Variants in SMOC1 observed in about 807,000 individuals in gnomAD.
The protein encoded by SMOC1 is SPARC-related modular calcium-binding protein 1.
SMOC1 carries 22 observed loss-of-function variants against 56.3 expected under a neutral mutation model. The observed-to-expected ratio is 0.39, with a 90% confidence interval of 0.28 to 0.56. SMOC1 has a LOEUF of 0.56. SMOC1 is among the 20% of genes least tolerant of loss of function. The pLI, the probability that SMOC1 is intolerant of heterozygous loss-of-function variation, is 0.61. For missense variants in SMOC1, 509 were observed against 565.4 expected (o/e 0.90, Z 1.01); for synonymous variants, 193 against 215.0 (o/e 0.90, Z 0.89).
Position 69,953,412 on chromosome 14 carries a change from T to G in SMOC1, c.266-8T>G. On this transcript the variant is annotated splice_region_variant and splice_polypyrimidine_tract_variant and intron_variant, in intron 2 of 11. Coordinates refer to ENST00000361956, the MANE Select transcript of SMOC1 (RefSeq NM_001034852.3). ...TGAAATATGAAATCTGCTCCTCTCC[T>G]CTTTCAGATGCTGGCCAGAGCAAGT... 2 of 1,613,818 alleles carry G rather than the reference T, an allele frequency of 1.2e-6. No individual in the cohort carries two copies. Among genetic ancestry groups the G allele is most frequent in the Non-Finnish European group, 1.7e-6 (2 of 1,179,668 alleles).
At chr14:69,920,300 G>A (rs1037713553) in intron 1 of SMOC1, among the ~76,000 whole-genome samples, 4 of 152,172 alleles carry the variant, frequency 2.6e-5, no homozygotes, top group African/African-American at 7.2e-5. Context: ...GATATGATTA[G>A]AGCCAGTGCT....
chr14:69,896,305 A>G (rs1347282709), intron 1 of SMOC1, among the ~76,000 whole-genome samples: 1 of 152,216 alleles, frequency 6.6e-6, no homozygotes, highest in Non-Finnish European at 1.5e-5. Flanking sequence ...GCTTGGGGTC[A>G]AAGAGACCTG....
chr14:70,015,988 C>G (rs1885496182), intron 10 of SMOC1, among the ~76,000 whole-genome samples: 1 of 152,150 alleles, frequency 6.6e-6, no homozygotes, highest in Non-Finnish European at 1.5e-5. Context: ...TGGGGTCTTC[C>G]CACTTACACC....
chr14:69,993,459 A>G (rs1884638011), intron 6 of SMOC1, among the ~76,000 whole-genome samples: 1 of 152,170 alleles, frequency 6.6e-6, no homozygotes, highest in African/African-American at 2.4e-5. Flanking sequence ...TGCAATATGT[A>G]GCAAACTTTG....
At chr14:70,008,732 T>C (rs1171089374) in intron 7 of SMOC1, among the ~76,000 whole-genome samples, 3 of 152,246 alleles carry the variant, frequency 2.0e-5, no homozygotes, top group Admixed American at 2.0e-4. Flanking sequence ...TTAAATCCTC[T>C]GTCAGAGGTT....
intron 1 of SMOC1, among the ~76,000 whole-genome samples, chr14:69,921,553 G>A (rs142613733): frequency 9.8e-5 from 15 of 152,294 alleles, no homozygotes; most frequent in African/African-American, 3.6e-4. Context: ...GGGTCCTGGG[G>A]CCTCACAGGT....
chr14:70,022,593 T>C (rs1366129145), intron 10 of SMOC1, among the ~76,000 whole-genome samples: 1 of 152,224 alleles, frequency 6.6e-6, no homozygotes, highest in African/African-American at 2.4e-5. Context: ...TTCTCTCAAT[T>C]CCCACTGCAC....
intron 1 of SMOC1, among the ~76,000 whole-genome samples, chr14:69,917,566 T>G (rs1884718348): frequency 6.6e-6 from 1 of 152,260 alleles, no homozygotes; most frequent in Non-Finnish European, 1.5e-5. Context: ...GTAAGTGTTG[T>G]GTAAATACCT....
At chr14:69,885,923 C>T (rs992925926) in intron 1 of SMOC1, 105 of 1,597,618 alleles carry the variant, frequency 6.6e-5, no homozygotes, top group Non-Finnish European at 6.5e-5. Flanking sequence ...CACTTTCAGC[C>T]GCTTATAGAG....
chr14:70,001,790 G>T (rs1884978222), intron 7 of SMOC1, among the ~76,000 whole-genome samples: 1 of 152,204 alleles, frequency 6.6e-6, no homozygotes, highest in South Asian at 2.1e-4. Flanking sequence ...ACCCTGTGAG[G>T]CATGTGCAAG....
At position 69,953,313 on chromosome 14, in the gene SMOC1, T is replaced by C. The variant is rs1594820574; in HGVS notation, c.266-107T>C. The stretch of plus-strand genomic sequence containing the variant: ...TTTAGGGTTGGACAAGCCAGTTAGT[T>C]GTGTGTGGGCTCCCGCACAGGTGGA... On this transcript the variant is annotated intron_variant, in intron 2 of 11. Coordinates refer to ENST00000361956, the MANE Select transcript of SMOC1 (RefSeq NM_001034852.3). 4.4e-5 allele frequency: 44 copies of C among 989,194 alleles called. No homozygotes were observed. In the East Asian group the frequency reaches 1.0e-3, roughly 23 times the overall value. The allele number at this position is 989,194 out of a possible 1,614,324, so 61.3% of individuals were successfully genotyped here. A position where few individuals can be genotyped will look rare whatever the true frequency, so the allele number is the denominator to read the frequency against.
At chr14:70,025,876 G>T (rs138983530) in intron 11 of SMOC1, among the ~76,000 whole-genome samples, 1 of 152,304 alleles carries the variant, frequency 6.6e-6, no homozygotes, top group East Asian at 1.9e-4. Context: ...GGACTGTTGT[G>T]CTGATTAAAT....
intron 1 of SMOC1, among the ~76,000 whole-genome samples, chr14:69,947,077 TC>T (rs1882808832): frequency 7.1e-6 from 1 of 140,184 alleles, no homozygotes; most frequent in Non-Finnish European, 1.6e-5. Flanking sequence ...AATTACCCAG[TC>T]TCAGGCCGGC....
At chr14:69,946,416 G>A (rs544738363) in intron 1 of SMOC1, among the ~76,000 whole-genome samples, 7 of 152,334 alleles carry the variant, frequency 4.6e-5, no homozygotes, top group African/African-American at 1.4e-4. Context: ...ATGGGTAGGA[G>A]AGACGACTGC....
chr14:69,976,424 T>G (rs945660609), intron 4 of SMOC1, among the ~76,000 whole-genome samples: 1 of 152,196 alleles, frequency 6.6e-6, no homozygotes. Flanking sequence ...GAGGGAGACC[T>G]GAGGTCTTTG....
chr14:69,964,199 T>C (rs1883484267), intron 3 of SMOC1, among the ~76,000 whole-genome samples: 1 of 152,072 alleles, frequency 6.6e-6, no homozygotes, highest in Non-Finnish European at 1.5e-5. Flanking sequence ...GTCCCTACAA[T>C]TTGTCTATTG....
intron 1 of SMOC1, among the ~76,000 whole-genome samples, chr14:69,889,918 G>T (rs983562685): frequency 6.6e-6 from 1 of 152,104 alleles, no homozygotes; most frequent in Non-Finnish European, 1.5e-5. Flanking sequence ...GTCCCTCTTT[G>T]CAGTTTAAGG....
At chr14:69,991,177 C>T (rs896499512) in intron 5 of SMOC1, among the ~76,000 whole-genome samples, 3 of 152,162 alleles carry the variant, frequency 2.0e-5, no homozygotes, top group East Asian at 3.9e-4. Context: ...AGTGTTCCAT[C>T]CTAAAAGACC....
chr14:70,015,710 G>A (rs772563660), intron 10 of SMOC1, among the ~76,000 whole-genome samples: 1 of 152,098 alleles, frequency 6.6e-6, no homozygotes, highest in Non-Finnish European at 1.5e-5. Flanking sequence ...GCTGCTGGAG[G>A]CGGCCTGTGG....
Sources: gnomAD v4.1 joint callset for allele counts (sites outside exome capture counted in the v4.1 genomes callset) on GRCh38, gnomAD v4.1.1 for gene constraint, MANE v1.5 for transcripts, NCBI Gene and HGNC (gene_info 2026-07-23, HGNC 2026-07-21) for gene names.